Variants in MDGA2 observed in about 807,000 individuals in gnomAD.
MDGA2 encodes MAM domain containing glycosylphosphatidylinositol anchor 2, also known as MAM domain-containing glycosylphosphatidylinositol anchor protein 2.
In MDGA2, 40 loss-of-function variants were observed where a neutral mutation model predicts 117.8. The observed-to-expected ratio is 0.34, with a 90% confidence interval of 0.26 to 0.44. The LOEUF is 0.44. Among genes scored for constraint, MDGA2 ranks in the 20% least tolerant of loss-of-function variants. MDGA2 has a pLI of 1.00. For missense variants in MDGA2, 1,123 were observed against 1,250.6 expected (o/e 0.90, Z 1.54); for synonymous variants, 452 against 439.0 (o/e 1.03, Z -0.37).
intron 2 of MDGA2, among the ~76,000 whole-genome samples, chr14:47,261,503 A>G (rs575703705): frequency 3.3e-5 from 5 of 152,250 alleles, no homozygotes; most frequent in South Asian, 2.1e-4. Context: ...ATGGCATATC[A>G]TAAGATGTTA....
intron 8 of MDGA2, among the ~76,000 whole-genome samples, chr14:46,981,171 A>AGGG (rs58347137): frequency 0.13 from 19,771 of 150,656 alleles, 1,531 homozygotes; most frequent in Non-Finnish European, 0.17. Flanking sequence ...TGGGAGGCCA[A>AGGG]GGGGGGGGCG....
At position 47,462,236 on chromosome 14, in the gene MDGA2, C is replaced by T. The variant is rs1359787901; in HGVS notation, c.281-160686G>A. 3.3e-5 allele frequency among the ~76,000 whole-genome samples: 5 copies of T among 151,284 alleles called. No homozygotes were observed. The East Asian group carries it at 5.9e-4, about 18-fold the overall frequency. ...CTAAAAATACAAAAAATTAGCTGGGCGTGGTGGCGGGCGCCTGTAGTCCCA... is the reference window on the plus strand; with the variant it reads ...CTAAAAATACAAAAAATTAGCTGGGTGTGGTGGCGGGCGCCTGTAGTCCCA... On this transcript the variant is annotated intron_variant, in intron 1 of 16. Transcript: ENST00000399232.
chr14:47,212,762 G>A (rs961417678), intron 3 of MDGA2, among the ~76,000 whole-genome samples: 1 of 152,118 alleles, frequency 6.6e-6, no homozygotes, highest in Non-Finnish European at 1.5e-5. Context: ...GAACCTTGTA[G>A]TGTATTTGGA....
intron 1 of MDGA2, among the ~76,000 whole-genome samples, chr14:47,316,797 A>C (rs1027122080): frequency 2.6e-5 from 4 of 152,104 alleles, no homozygotes; most frequent in African/African-American, 9.6e-5. Flanking sequence ...AGCTATTATA[A>C]AATGGCATTT....
chr14:47,234,728 T>A (rs1886803406), intron 2 of MDGA2, among the ~76,000 whole-genome samples: 1 of 152,090 alleles, frequency 6.6e-6, no homozygotes, highest in Admixed American at 6.6e-5. Context: ...TAGGTAACAG[T>A]CTCACAGCAA....
chr14:46,940,727 G>A (rs1202372352), intron 9 of MDGA2, among the ~76,000 whole-genome samples: 1 of 152,088 alleles, frequency 6.6e-6, no homozygotes, highest in Non-Finnish European at 1.5e-5. Context: ...GGGAACAGAT[G>A]GATGAACTGA....
In MDGA2 at chr14:47,464,100, TACACACACACACAC is replaced by T. The variant is rs71449610; in HGVS notation, c.281-162564_281-162551del. ...TAAAATTCATTTCTCACTTACTATG[TACACACACACACAC>T]ACACACACACACACACACACACACA... On this transcript the variant is annotated intron_variant, in intron 1 of 16. Transcript: ENST00000399232. Among the ~76,000 whole-genome samples the T allele has an allele frequency of 5.9e-3, 841 of 141,592 alleles. 2 individuals carry two copies. Among genetic ancestry groups the T allele is most frequent in the Non-Finnish European group, 0.01 (656 of 64,886 alleles). 92.9% of individuals were successfully genotyped at this position (141,592 alleles called of 152,430 possible). A position where few individuals can be genotyped will look rare whatever the true frequency, so the allele number is the denominator to read the frequency against.
intron 1 of MDGA2, among the ~76,000 whole-genome samples, chr14:47,589,376 T>C (rs936908386): frequency 1.3e-5 from 2 of 152,006 alleles, no homozygotes; most frequent in Non-Finnish European, 2.9e-5. Context: ...AAAGGACAAG[T>C]CCAATGTCAT....
chr14:47,612,091 C>T (rs1316802593), intron 1 of MDGA2, among the ~76,000 whole-genome samples: 2 of 152,118 alleles, frequency 1.3e-5, no homozygotes, highest in East Asian at 3.9e-4. Context: ...CAATACTTCG[C>T]AAGTTTCCAA....
chr14:47,489,701 A>T (rs1894130332), intron 1 of MDGA2, among the ~76,000 whole-genome samples: 1 of 152,126 alleles, frequency 6.6e-6, no homozygotes, highest in South Asian at 2.1e-4. Flanking sequence ...TCACCATCTT[A>T]TAAAGGGAAA....
At chr14:47,511,669 G>A (rs966447885) in intron 1 of MDGA2, among the ~76,000 whole-genome samples, 7 of 152,038 alleles carry the variant, frequency 4.6e-5, no homozygotes, top group African/African-American at 1.4e-4. Context: ...AAATTGTTTC[G>A]TTCAAGTTAT....
chr14:46,860,687 C>G (rs1266198459), intron 14 of MDGA2, among the ~76,000 whole-genome samples: 1 of 151,800 alleles, frequency 6.6e-6, no homozygotes, highest in Non-Finnish European at 1.5e-5. Flanking sequence ...CCAATGTCAT[C>G]TTTATTCTGC....
At chr14:46,881,565 C>T (rs987091739) in intron 11 of MDGA2, among the ~76,000 whole-genome samples, 2 of 152,024 alleles carry the variant, frequency 1.3e-5, no homozygotes, top group Admixed American at 6.6e-5. Context: ...TAATGTAAGA[C>T]GTTAATAATG....
intron 1 of MDGA2, among the ~76,000 whole-genome samples, chr14:47,456,468 T>C (rs1893356932): frequency 6.6e-6 from 1 of 151,682 alleles, no homozygotes; most frequent in African/African-American, 2.4e-5. Flanking sequence ...AATTTTTTTT[T>C]TTTTTTTAGT....
Position 47,615,624 on chromosome 14 carries a change from A to C in MDGA2, c.280+58893T>G, listed in dbSNP as rs1896934111. ...TTGAATTAGGTCAGTTAGACAGAGG[A>C]TAGAAGGAAGAGGACAAATGCACAT... is the stretch of plus-strand genomic sequence containing the variant. On this transcript the variant is annotated intron_variant, in intron 1 of 16. Coordinates refer to ENST00000399232, the MANE Select transcript of MDGA2 (RefSeq NM_001113498.3). 2.0e-5 allele frequency among the ~76,000 whole-genome samples: 3 copies of C among 152,350 alleles called. 1 individual carries two copies. In the South Asian group the frequency reaches 6.2e-4, roughly 32 times the overall value.
intron 2 of MDGA2, among the ~76,000 whole-genome samples, chr14:47,224,940 A>G (rs1886430653): frequency 6.6e-6 from 1 of 152,166 alleles, no homozygotes; most frequent in South Asian, 2.1e-4. Flanking sequence ...ATGGCACAGA[A>G]CTCTAGAGCA....
chr14:47,488,831 T>C (rs562134241), intron 1 of MDGA2, among the ~76,000 whole-genome samples: 2 of 152,082 alleles, frequency 1.3e-5, no homozygotes, highest in East Asian at 1.9e-4. Flanking sequence ...AAATGTGCTA[T>C]GGGAAACATG....
chr14:47,549,891 C>A (rs551892519), intron 1 of MDGA2, among the ~76,000 whole-genome samples: 4 of 152,286 alleles, frequency 2.6e-5, no homozygotes, highest in African/African-American at 9.6e-5. Context: ...CCCTGATCTG[C>A]GACTTCTGGC....
At chr14:47,641,270 C>A (rs1282444193) in intron 1 of MDGA2, among the ~76,000 whole-genome samples, 1 of 152,006 alleles carries the variant, frequency 6.6e-6, no homozygotes, top group Non-Finnish European at 1.5e-5. Flanking sequence ...GTCTAAAGGA[C>A]AAAACAGGTT....
Sources: gnomAD v4.1 joint callset for allele counts (sites outside exome capture counted in the v4.1 genomes callset) on GRCh38, gnomAD v4.1.1 for gene constraint, MANE v1.5 for transcripts, NCBI Gene and HGNC (gene_info 2026-07-23, HGNC 2026-07-21) for gene names.